The following MSRA variants were observed in gnomAD, a reference collection of about 807,000 sequenced individuals.
The protein encoded by MSRA is mitochondrial peptide methionine sulfoxide reductase.
In MSRA, 54 loss-of-function variants were observed where a neutral mutation model predicts 31.3. The observed-to-expected ratio is 1.73, with a 90% confidence interval of 1.39 to 2.17. The LOEUF (loss-of-function observed/expected upper bound fraction) is 2.17, where lower values mean the gene tolerates loss of function less well. Ranked by LOEUF, MSRA falls within the 30% of genes most tolerant of loss-of-function variation. The probability of loss-of-function intolerance (pLI) is 0.00; values close to 1 mark genes in which losing one functional copy is unlikely to be tolerated. For synonymous variants in MSRA, 169 were observed against 116.5 expected (o/e 1.45, Z -2.90); for missense variants, 507 against 300.9 (o/e 1.69, Z -5.07).
chr8:10,184,473 C>G (rs941298384), intron 1 of MSRA, among the ~76,000 whole-genome samples: 1 of 151,982 alleles, frequency 6.6e-6, no homozygotes, highest in African/African-American at 2.4e-5. Context: ...GTGAAAATAG[C>G]AGAAAATCCT....
Position 10,321,076 on chromosome 8 carries a change from G to A in MSRA, c.543+1087G>A, listed in dbSNP as rs139317760. Among the ~76,000 whole-genome samples the A allele has an allele frequency of 1.6e-3, 245 of 152,108 alleles. 2 individuals carry two copies. The highest frequency in any genetic ancestry group is 5.6e-3 in the African/African-American group (234 of 41,472). ...TTGAATTATGATAAAAGTAGTTCTCGGAAATATATACATGATATCACAAAA... is the reference window on the plus strand; with the variant it reads ...TTGAATTATGATAAAAGTAGTTCTCAGAAATATATACATGATATCACAAAA... On this transcript the variant is annotated intron_variant, in intron 5 of 5. Coordinates refer to ENST00000317173, the MANE Select transcript of MSRA (RefSeq NM_012331.5).
At chr8:10,310,340 G>T (rs1278310195) in intron 4 of MSRA, among the ~76,000 whole-genome samples, 4 of 152,132 alleles carry the variant, frequency 2.6e-5, no homozygotes, top group South Asian at 2.1e-4. Context: ...TGAAACAAAA[G>T]AATTTAACTG....
At chr8:10,160,082 G>T (rs1804504291) in intron 1 of MSRA, among the ~76,000 whole-genome samples, 1 of 152,152 alleles carries the variant, frequency 6.6e-6, no homozygotes, top group Non-Finnish European at 1.5e-5. Context: ...TTTACACTTT[G>T]TCAGTTGAAG....
chr8:10,382,084 A>G (rs1487783748), intron 5 of MSRA, among the ~76,000 whole-genome samples: 3 of 152,230 alleles, frequency 2.0e-5, no homozygotes, highest in Non-Finnish European at 4.4e-5. Context: ...AGTGAAGTTA[A>G]GTGGCTTTCT....
intron 1 of MSRA, among the ~76,000 whole-genome samples, chr8:10,159,709 A>T (rs535588426): frequency 6.6e-6 from 1 of 152,260 alleles, no homozygotes; most frequent in South Asian, 2.1e-4. Flanking sequence ...GCAGAATTTG[A>T]TTGGCATTAT....
chr8:10,283,824 TATATATATATATACACACAC>T (rs1382803353), intron 3 of MSRA, among the ~76,000 whole-genome samples: 8 of 68,972 alleles, frequency 1.2e-4, no homozygotes, highest in African/African-American at 2.6e-4. Flanking sequence ...TATATATATA[TATATATATATATACACACAC>T]ACACACACAC....
At chr8:10,197,400 C>A (rs561856582) in intron 1 of MSRA, among the ~76,000 whole-genome samples, 1 of 152,040 alleles carries the variant, frequency 6.6e-6, no homozygotes, top group Non-Finnish European at 1.5e-5. Context: ...TGGTGCTTGC[C>A]GGAGATGCAG....
At chr8:10,232,796 C>A (rs1424448872) in intron 2 of MSRA, among the ~76,000 whole-genome samples, 1 of 152,096 alleles carries the variant, frequency 6.6e-6, no homozygotes, top group African/African-American at 2.4e-5. Flanking sequence ...TAAAAACAAT[C>A]CAGTAGGACT....
intron 1 of MSRA, among the ~76,000 whole-genome samples, chr8:10,176,113 A>G (rs937652277): frequency 7.2e-5 from 11 of 152,240 alleles, no homozygotes; most frequent in Admixed American, 7.2e-4. Context: ...AATAATGGAA[A>G]TCTGTGTTTA....
chr8:10,194,459 G>T (rs1051467462), intron 1 of MSRA, among the ~76,000 whole-genome samples: 141 of 152,276 alleles, frequency 9.3e-4, no homozygotes, highest in African/African-American at 3.3e-3. Context: ...CCAGCTACTT[G>T]GGAGGCTGAG....
intron 1 of MSRA, chr8:10,095,927 C>G (rs1234160353): frequency 8.2e-6 from 11 of 1,333,574 alleles, no homozygotes. Flanking sequence ...TAGAAGATGG[C>G]AAGGCAAATT....
intron 5 of MSRA, among the ~76,000 whole-genome samples, chr8:10,330,594 G>A (rs534973858): frequency 2.6e-5 from 4 of 152,218 alleles, no homozygotes; most frequent in Non-Finnish European, 5.9e-5. Context: ...GCAAAGTCTT[G>A]TGAAGTTTGT....
At chr8:10,353,461 C>T (rs1216392329) in intron 5 of MSRA, among the ~76,000 whole-genome samples, 1 of 140,406 alleles carries the variant, frequency 7.1e-6, no homozygotes, top group Non-Finnish European at 1.5e-5. Context: ...CTTCGGCATC[C>T]GTGAGTCCTG....
intron 2 of MSRA, among the ~76,000 whole-genome samples, chr8:10,222,633 C>T (rs1430210248): frequency 2.0e-5 from 3 of 152,100 alleles, no homozygotes; most frequent in Admixed American, 1.3e-4. Flanking sequence ...GGTATATATA[C>T]ACAATGGAAT....
intron 3 of MSRA, chr8:10,250,380 A>G (rs769399855): frequency 3.6e-5 from 25 of 700,368 alleles, no homozygotes; most frequent in South Asian, 1.5e-5. Flanking sequence ...AAAACCCAGG[A>G]TGTTCATTCA....
chr8:10,209,031 C>A (rs1002025008), intron 2 of MSRA, among the ~76,000 whole-genome samples: 7 of 152,220 alleles, frequency 4.6e-5, no homozygotes, highest in African/African-American at 1.7e-4. Flanking sequence ...GGACCCAGTT[C>A]CACCTCAGTG....
intron 5 of MSRA, among the ~76,000 whole-genome samples, chr8:10,382,030 G>T (rs919014781): frequency 1.3e-5 from 2 of 152,220 alleles, no homozygotes; most frequent in African/African-American, 4.8e-5. Context: ...TTTCTGCGTG[G>T]TACAAGGTTC....
chr8:10,381,733 A>G (rs979123874), intron 5 of MSRA, among the ~76,000 whole-genome samples: 6 of 152,164 alleles, frequency 3.9e-5, no homozygotes, highest in African/African-American at 1.4e-4. Flanking sequence ...TGCCCCAATG[A>G]CAGTGCTAAA....
intron 1 of MSRA, among the ~76,000 whole-genome samples, chr8:10,183,330 A>G (rs1045467342): frequency 6.6e-6 from 1 of 152,214 alleles, no homozygotes; most frequent in African/African-American, 2.4e-5. Flanking sequence ...GCAATGTGTC[A>G]TCTGGTACTT....
Sources: gnomAD v4.1 joint callset for allele counts (sites outside exome capture counted in the v4.1 genomes callset) on GRCh38, gnomAD v4.1.1 for gene constraint, MANE v1.5 for transcripts, NCBI Gene and HGNC (gene_info 2026-07-23, HGNC 2026-07-21) for gene names.